The following PLEKHA5 variants were observed in gnomAD, a reference collection of about 807,000 sequenced individuals.
The protein encoded by PLEKHA5 is pleckstrin homology domain-containing family A member 5.
Under a neutral mutation model 181.9 loss-of-function variants are expected in PLEKHA5, and 55 were observed. That is an observed-to-expected ratio of 0.30 (90% CI 0.24 to 0.38). The LOEUF (loss-of-function observed/expected upper bound fraction) is 0.38. Ranked by LOEUF, PLEKHA5 falls within the 10% of genes least tolerant of loss-of-function variation. The pLI, the probability that PLEKHA5 is intolerant of heterozygous loss-of-function variation, is 1.00. For synonymous variants in PLEKHA5, 535 were observed against 529.4 expected (o/e 1.01, Z -0.15); for missense variants, 1,432 against 1,549.5 (o/e 0.92, Z 1.27).
Position 19,322,291 on chromosome 12 carries a change from A to T in PLEKHA5, c.2218-19A>T, listed in dbSNP as rs1402621673. The T allele has an allele frequency of 1.9e-6, 3 of 1,561,396 alleles. No homozygotes were observed. Among genetic ancestry groups the T allele is most frequent in the South Asian group, 1.1e-5 (1 of 89,170 alleles). On this transcript the variant is annotated intron_variant, in intron 18 of 31. Transcript: ENST00000429027. Reference sequence around the variant, plus strand: ...AAAAATAAAAAATTGCTAACAAGACATCTTCTCTTATAACCTAGGCCAAGT... The same window carrying T: ...AAAAATAAAAAATTGCTAACAAGACTTCTTCTCTTATAACCTAGGCCAAGT...
At chr12:19,373,912 C>T (rs371944701) in intron 31 of PLEKHA5, among the ~76,000 whole-genome samples, 212 of 148,934 alleles carry the variant, frequency 1.4e-3, no homozygotes, top group Middle Eastern at 3.4e-3. Flanking sequence ...TTTCCAGGTT[C>T]CTTAAATTGT....
intron 21 of PLEKHA5, among the ~76,000 whole-genome samples, chr12:19,340,959 AAAAG>A (rs1216646328): frequency 1.8e-4 from 21 of 117,646 alleles, no homozygotes; most frequent in African/African-American, 5.6e-4. Flanking sequence ...AAAAAAAAAA[AAAAG>A]AAAGAAAAGA....
At chr12:19,306,147 A>G (rs1273931536) in intron 15 of PLEKHA5, among the ~76,000 whole-genome samples, 2 of 152,190 alleles carry the variant, frequency 1.3e-5, no homozygotes, top group Non-Finnish European at 2.9e-5. Context: ...AGGATTAAGT[A>G]TCAGATTTTC....
intron 8 of PLEKHA5, among the ~76,000 whole-genome samples, chr12:19,266,699 G>T (rs991786170): frequency 9.2e-5 from 14 of 151,958 alleles, no homozygotes; most frequent in Non-Finnish European, 1.8e-4. Context: ...TGGGAGGATC[G>T]CTTGAGCCCT....
chr12:19,137,919 C>A (rs1213166433), intron 3 of PLEKHA5, among the ~76,000 whole-genome samples: 3 of 152,214 alleles, frequency 2.0e-5, no homozygotes, highest in Non-Finnish European at 2.9e-5. Flanking sequence ...ATAGTCCCCA[C>A]AACTCAAGTG....
intron 3 of PLEKHA5, among the ~76,000 whole-genome samples, chr12:19,251,134 G>A (rs1353077707): frequency 6.6e-6 from 1 of 152,070 alleles, no homozygotes; most frequent in African/African-American, 2.4e-5. Flanking sequence ...GGCCTGGTGC[G>A]GTGGCTCACA....
chr12:19,264,129 C>G (rs1257227697), intron 7 of PLEKHA5, among the ~76,000 whole-genome samples: 1 of 151,866 alleles, frequency 6.6e-6, no homozygotes, highest in African/African-American at 2.4e-5. Flanking sequence ...ATGCTTCACT[C>G]TCAGTGCTGT....
chr12:19,197,592 A>G (rs1017838049), intron 3 of PLEKHA5, among the ~76,000 whole-genome samples: 5 of 152,050 alleles, frequency 3.3e-5, no homozygotes, highest in African/African-American at 1.2e-4. Flanking sequence ...CCCTGAAGAC[A>G]AAGATCTGTT....
At chr12:19,205,222 T>C in intron 3 of PLEKHA5, 1 of 183,878 alleles carries the variant, frequency 5.4e-6, no homozygotes, top group Non-Finnish European at 1.0e-5. Flanking sequence ...TATGCTGAGA[T>C]GAAATACCAA....
intron 3 of PLEKHA5, among the ~76,000 whole-genome samples, chr12:19,174,544 A>G (rs1327158049): frequency 1.3e-5 from 2 of 152,156 alleles, no homozygotes; most frequent in Non-Finnish European, 2.9e-5. Context: ...TAAGAAAAAC[A>G]TTGCGAGCTC....
intron 3 of PLEKHA5, among the ~76,000 whole-genome samples, chr12:19,141,054 A>C (rs1197386240): frequency 1.3e-5 from 2 of 152,116 alleles, no homozygotes. Context: ...TTGGCCTTCC[A>C]AAGTGCTGGG....
chr12:19,230,726 C>G (rs949295676), intron 3 of PLEKHA5, among the ~76,000 whole-genome samples: 1 of 152,092 alleles, frequency 6.6e-6, no homozygotes, highest in African/African-American at 2.4e-5. Context: ...CGGTTCCCAC[C>G]GGCACCTCTC....
At chr12:19,297,628 CAAAAAA>C (rs934426933) in intron 15 of PLEKHA5, among the ~76,000 whole-genome samples, 12 of 63,762 alleles carry the variant, frequency 1.9e-4, no homozygotes, top group Admixed American at 1.4e-3. Context: ...GGCTCCGTCT[CAAAAAA>C]AAAAAAAAAA....
At chr12:19,313,126 A>G (rs1194170864) in intron 15 of PLEKHA5, among the ~76,000 whole-genome samples, 1 of 152,112 alleles carries the variant, frequency 6.6e-6, no homozygotes, top group Non-Finnish European at 1.5e-5. Context: ...CTCCCCCAAA[A>G]CAATTATAAA....
intron 20 of PLEKHA5, among the ~76,000 whole-genome samples, chr12:19,331,748 C>T (rs192781221): frequency 6.6e-6 from 1 of 152,214 alleles, no homozygotes; most frequent in Non-Finnish European, 1.5e-5. Flanking sequence ...CTTGGCCGGG[C>T]CTGCTGGCTC....
intron 12 of PLEKHA5, among the ~76,000 whole-genome samples, chr12:19,284,878 A>G (rs921250725): frequency 1.3e-5 from 2 of 152,180 alleles, no homozygotes; most frequent in African/African-American, 4.8e-5. Flanking sequence ...GGCTGTAGTA[A>G]GCTGTGATTG....
chr12:19,337,548 CAAAAA>C (rs1157232818), intron 21 of PLEKHA5, among the ~76,000 whole-genome samples: 3 of 61,688 alleles, frequency 4.9e-5, no homozygotes, highest in Admixed American at 4.0e-4. Flanking sequence ...GACTCTATCT[CAAAAA>C]AAAAAAAAAA....
At chr12:19,320,450 T>C in intron 17 of PLEKHA5, 112 bp from the exon 18 acceptor site, 1 of 533,040 alleles carries the variant, frequency 1.9e-6, no homozygotes. Context: ...ATCATTAAAA[T>C]CTATTTTTGT....
At chr12:19,348,179 G>A (rs945367342) in intron 24 of PLEKHA5, among the ~76,000 whole-genome samples, 3 of 152,000 alleles carry the variant, frequency 2.0e-5, no homozygotes, top group Admixed American at 1.3e-4. Flanking sequence ...CACTGCACCC[G>A]GCCAGAAATA....
Sources: gnomAD v4.1 joint callset for allele counts (sites outside exome capture counted in the v4.1 genomes callset) on GRCh38, gnomAD v4.1.1 for gene constraint, MANE v1.5 for transcripts, NCBI Gene and HGNC (gene_info 2026-07-23, HGNC 2026-07-21) for gene names.